The following FNIP2 variants were observed in gnomAD, a reference collection of about 807,000 sequenced individuals.
FNIP2 encodes folliculin-interacting protein 2.
Under a neutral mutation model 108.7 loss-of-function variants are expected in FNIP2, and 32 were observed. That is an observed-to-expected ratio of 0.29 (90% CI 0.22 to 0.40). The LOEUF is 0.40. FNIP2 is among the 10% of genes least tolerant of loss of function. FNIP2 has a pLI of 1.00. For synonymous variants in FNIP2, 480 were observed against 496.7 expected, an observed-to-expected ratio of 0.97 and a Z score of 0.45; for missense variants, 1,202 against 1,381.6, an observed-to-expected ratio of 0.87 and a Z score of 2.06.
rs186607702 is a variant in FNIP2 at position 158,840,200 on chromosome 4, T to C, written c.727+4724T>C. Among the ~76,000 whole-genome samples the C allele has an allele frequency of 2.1e-3, 320 of 152,204 alleles. 1 individual carries two copies. The highest frequency in any genetic ancestry group is 7.5e-3 in the African/African-American group (310 of 41,508). On this transcript the variant is annotated intron_variant, in intron 7 of 16. Coordinates refer to ENST00000264433, the MANE Select transcript of FNIP2 (RefSeq NM_020840.3). ...TGAGAAAGCGAGTGGAAGGTGAGCATTATCCAGTACAGGGAAAGCAGGAGG... is the reference window on the plus strand; with the variant it reads ...TGAGAAAGCGAGTGGAAGGTGAGCACTATCCAGTACAGGGAAAGCAGGAGG...
At chr4:158,781,342 A>G (rs1776039475) in intron 1 of FNIP2, among the ~76,000 whole-genome samples, 1 of 152,184 alleles carries the variant, frequency 6.6e-6, no homozygotes, top group Non-Finnish European at 1.5e-5. Context: ...GTCTCTGTGA[A>G]ATCAGAGTGT....
At chr4:158,874,955 C>T (rs1171271568) in intron 14 of FNIP2, among the ~76,000 whole-genome samples, 5 of 150,406 alleles carry the variant, frequency 3.3e-5, no homozygotes, top group Admixed American at 2.7e-4. Flanking sequence ...GGTGTGGCAG[C>T]GGGTGCCTGT....
At chr4:158,829,336 A>G in intron 3 of FNIP2, 111 bp downstream of exon 3, 1 of 960,452 alleles carries the variant, frequency 1.0e-6, no homozygotes, top group Non-Finnish European at 1.5e-6. Flanking sequence ...ATATGAGGAC[A>G]AGTATTCAAC....
At chr4:158,788,248 T>G (rs1015678365) in intron 1 of FNIP2, among the ~76,000 whole-genome samples, 8 of 152,216 alleles carry the variant, frequency 5.3e-5, no homozygotes, top group Non-Finnish European at 7.3e-5. Flanking sequence ...GATAATCTGC[T>G]CTTTCACAGA....
chr4:158,791,248 C>A (rs1174076753), intron 1 of FNIP2, among the ~76,000 whole-genome samples: 2 of 135,810 alleles, frequency 1.5e-5, no homozygotes, highest in Non-Finnish European at 3.1e-5. Context: ...TTTAGATGTT[C>A]CTTCTGCACT....
At chr4:158,881,871 A>C (rs984180386) in intron 14 of FNIP2, among the ~76,000 whole-genome samples, 5 of 151,484 alleles carry the variant, frequency 3.3e-5, no homozygotes, top group African/African-American at 4.9e-5. Flanking sequence ...CCTGGCCGCC[A>C]CCCCGTCTGG....
Position 158,890,959 on chromosome 4 carries a change from C to T in FNIP2, c.2950-487C>T, listed in dbSNP as rs78351439. ...AGGATGGACCCGATTGCAGTCTCAC[C>T]GGGCCTTGTCTAAGAAAGATCATTC... On this transcript the variant is annotated intron_variant, in intron 14 of 16. Transcript: ENST00000264433. 8.7e-3 allele frequency among the ~76,000 whole-genome samples: 1,318 copies of T among 152,196 alleles called. 17 individuals carry two copies. The highest frequency in any genetic ancestry group is 0.029 in the African/African-American group (1,216 of 41,526).
At position 158,907,162 on chromosome 4, in the gene FNIP2, G is replaced by A. The variant is rs548137119; in HGVS notation, c.*2618G>A. ...TTGCAGTTTTATTTTTAATAAATTG[G>A]TAAGTGAAATGAATGTAAAGGTAAT... On this transcript the variant is annotated 3_prime_UTR_variant, in exon 17 of 17. Coordinates refer to ENST00000264433, the MANE Select transcript of FNIP2 (RefSeq NM_020840.3). The A allele has an allele frequency of 6.6e-6, 1 of 152,302 alleles. No homozygotes were observed. Among genetic ancestry groups the A allele is most frequent in the African/African-American group, 2.4e-5 (1 of 41,548 alleles). The allele number at this position is 152,302 out of a possible 1,614,324, so 9.4% of individuals were successfully genotyped here. A position where few individuals can be genotyped will look rare whatever the true frequency, so the allele number is the denominator to read the frequency against.
At position 158,801,841 on chromosome 4, in the gene FNIP2, G is replaced by A. The variant is rs530063185; in HGVS notation, c.108-24075G>A. 4.6e-5 allele frequency among the ~76,000 whole-genome samples: 7 copies of A among 152,268 alleles called. No homozygotes were observed. The South Asian group carries it at 6.2e-4, about 14-fold the overall frequency. ...TTTGATTGCACACTGAACTGGTATC[G>A]TGAGGATGGCCTGCTGCTTAGCTAG... On this transcript the variant is annotated intron_variant, in intron 1 of 16. Coordinates refer to ENST00000264433, the MANE Select transcript of FNIP2 (RefSeq NM_020840.3).
intron 8 of FNIP2, among the ~76,000 whole-genome samples, chr4:158,858,281 T>C (rs973761510): frequency 6.6e-6 from 1 of 152,182 alleles, no homozygotes; most frequent in Non-Finnish European, 1.5e-5. Context: ...GTGTTGGTGT[T>C]TTTGTAGGAA....
At chr4:158,891,158 T>C (rs571066808) in intron 14 of FNIP2, among the ~76,000 whole-genome samples, 1 of 152,144 alleles carries the variant, frequency 6.6e-6, no homozygotes, top group Admixed American at 6.5e-5. Flanking sequence ...TTGAGGCAGG[T>C]CTCTCTGTCT....
intron 16 of FNIP2, among the ~76,000 whole-genome samples, chr4:158,898,195 GTA>G (rs1782862940): frequency 6.6e-6 from 1 of 152,086 alleles, no homozygotes; most frequent in Non-Finnish European, 1.5e-5. Context: ...CCATTGGTCT[GTA>G]TATCTGTTTT....
intron 16 of FNIP2, among the ~76,000 whole-genome samples, chr4:158,900,348 C>CTATT (rs1297268460): frequency 6.6e-6 from 1 of 152,146 alleles, no homozygotes; most frequent in Non-Finnish European, 1.5e-5. Flanking sequence ...CTGTAGATGT[C>CTATT]TATTAGGTCT....
At chr4:158,806,630 G>T (rs986769374) in intron 1 of FNIP2, among the ~76,000 whole-genome samples, 12 of 152,170 alleles carry the variant, frequency 7.9e-5, no homozygotes, top group African/African-American at 2.9e-4. Flanking sequence ...AGTGACTATT[G>T]TGACTTCACT....
intron 1 of FNIP2, among the ~76,000 whole-genome samples, chr4:158,777,290 A>C (rs1775893132): frequency 6.6e-6 from 1 of 152,234 alleles, no homozygotes; most frequent in African/African-American, 2.4e-5. Flanking sequence ...GGTTCTCTCA[A>C]ATTTAAGATA....
chr4:158,853,169 G>A (rs1418058105), intron 8 of FNIP2, among the ~76,000 whole-genome samples: 1 of 151,976 alleles, frequency 6.6e-6, no homozygotes, highest in African/African-American at 2.4e-5. Flanking sequence ...ATCTTGTGTT[G>A]TAAGCCTTTT....
intron 1 of FNIP2, among the ~76,000 whole-genome samples, chr4:158,771,081 G>T (rs1775683706): frequency 6.6e-6 from 1 of 152,200 alleles, no homozygotes; most frequent in African/African-American, 2.4e-5. Flanking sequence ...TCTCATTTGT[G>T]TATAATGAAG....
intron 1 of FNIP2, among the ~76,000 whole-genome samples, chr4:158,797,195 A>G (rs2126466274): frequency 6.6e-6 from 1 of 152,282 alleles, no homozygotes; most frequent in Middle Eastern, 3.4e-3. Context: ...CTTTAATTAT[A>G]GCTATATTTT....
intron 14 of FNIP2, among the ~76,000 whole-genome samples, chr4:158,880,335 T>G (rs2126739873): frequency 6.6e-6 from 1 of 152,046 alleles, no homozygotes; most frequent in East Asian, 1.9e-4. Flanking sequence ...CAGCAAACTA[T>G]CGCAAGGACA....
Sources: allele counts gnomAD v4.1 joint callset (sites outside exome capture counted in the v4.1 genomes callset), GRCh38; gene constraint gnomAD v4.1.1; transcripts MANE v1.5; gene names NCBI Gene and HGNC (gene_info 2026-07-23, HGNC 2026-07-21).